GPHN: variants seen among roughly 807,000 people sequenced by gnomAD.
GPHN encodes the protein gephyrin.
GPHN carries 17 observed loss-of-function variants against 95.5 expected under a neutral mutation model. That is an observed-to-expected ratio of 0.18 (90% CI 0.12 to 0.27). The LOEUF (loss-of-function observed/expected upper bound fraction) is 0.27. Among genes scored for constraint, GPHN ranks in the 10% least tolerant of loss-of-function variants. The pLI, the probability that GPHN is intolerant of heterozygous loss-of-function variation, is 1.00. For synonymous variants in GPHN, 320 were observed against 322.5 expected (o/e 0.99, Z 0.08); for missense variants, 660 against 978.1 (o/e 0.67, Z 4.34).
At chr14:67,465,164 G>A in the GPHN span, among the ~76,000 whole-genome samples, 9 of 152,232 alleles carry the variant, frequency 5.9e-5, no homozygotes, top group Non-Finnish European at 8.8e-5. Context: ...GCTTCCAGGC[G>A]CCAGGACTGG....
chr14:67,089,118 TTTTTTTCTTTTTTTC>T (rs752646113), intron 12 of GPHN, 43 bp downstream of exon 12: 230 of 649,564 alleles, frequency 3.5e-4, no homozygotes, highest in South Asian at 1.6e-3. Flanking sequence ...GCACTGTATT[TTTTTTTCTTTTTTTC>T]TTTTTTTTTT....
At chr14:67,646,974 G>A in the GPHN span, 6 of 1,612,802 alleles carry the variant, frequency 3.7e-6, no homozygotes, top group African/African-American at 4.0e-5. Context: ...GATATTGATC[G>A]ACTTGGTATC....
At chr14:67,401,764 G>A in the GPHN span, among the ~76,000 whole-genome samples, 3 of 152,202 alleles carry the variant, frequency 2.0e-5, no homozygotes, top group African/African-American at 7.2e-5. Context: ...AAACTAATAT[G>A]ATAGGGAAAG....
chr14:67,359,542 G>A, the GPHN span: 1 of 1,204,026 alleles, frequency 8.3e-7, no homozygotes, highest in South Asian at 1.4e-5. Context: ...AAGAACCTGG[G>A]AAAAGCTCAG....
chr14:67,289,872 G>A, the GPHN span, among the ~76,000 whole-genome samples: 83 of 148,168 alleles, frequency 5.6e-4, no homozygotes, highest in East Asian at 2.2e-3. Flanking sequence ...CTGGGTTCAC[G>A]CCATTCTCCT....
intron 12 of GPHN, among the ~76,000 whole-genome samples, chr14:67,098,178 A>G: frequency 6.6e-6 from 1 of 152,250 alleles, no homozygotes; most frequent in East Asian, 1.9e-4. Flanking sequence ...AACCTGGAAA[A>G]AAAAAAGACA....
intron 1 of GPHN, among the ~76,000 whole-genome samples, chr14:66,527,781 G>A (rs1434827959): frequency 6.6e-6 from 1 of 152,196 alleles, no homozygotes; most frequent in Non-Finnish European, 1.5e-5. Flanking sequence ...GTGGTTTTGA[G>A]TGAGTTTCTT....
the GPHN span, chr14:67,573,909 A>C: frequency 6.4e-7 from 1 of 1,567,322 alleles, no homozygotes; most frequent in South Asian, 1.1e-5. The surrounding 1 kb of genome is among the most constrained non-coding windows in gnomAD (Gnocchi z 4.8). Context: ...CCTGGCTGCT[A>C]GTATTTTAAA....
intron 1 of GPHN, among the ~76,000 whole-genome samples, chr14:66,578,603 A>G (rs1377030823): frequency 7.3e-6 from 1 of 136,698 alleles, no homozygotes. Flanking sequence ...GAACTCCATT[A>G]TGGCTATCAT....
At chr14:66,845,872 C>T (rs1412141785) in intron 4 of GPHN, among the ~76,000 whole-genome samples, 5 of 147,206 alleles carry the variant, frequency 3.4e-5, no homozygotes, top group African/African-American at 5.3e-5. Flanking sequence ...TGTGTGCGTG[C>T]GCACACGTGA....
At chr14:66,676,294 A>G (rs1595504699) in intron 1 of GPHN, among the ~76,000 whole-genome samples, 1 of 152,058 alleles carries the variant, frequency 6.6e-6, no homozygotes, top group South Asian at 2.1e-4. Context: ...ATTTAGATGA[A>G]CTTTATTTCC....
At chr14:67,182,841 C>CTTTT (rs1247844705), downstream of GPHN, among the ~76,000 whole-genome samples, 27 of 120,030 alleles carry the variant, frequency 2.2e-4, no homozygotes, top group Admixed American at 1.4e-3. Context: ...GTTAGTGGGT[C>CTTTT]TTTTTTTTTT....
the GPHN span, among the ~76,000 whole-genome samples, chr14:67,411,530 C>G: frequency 6.6e-6 from 1 of 152,112 alleles, no homozygotes. Context: ...AGCAAGTTCC[C>G]TAACTCCTCT....
chr14:67,695,658 G>T, the GPHN span: 1 of 1,614,210 alleles, frequency 6.2e-7, no homozygotes, highest in Non-Finnish European at 8.5e-7. Flanking sequence ...ATATACAGAA[G>T]GAAGGGCAGA....
chr14:67,648,285 GTTT>G, the GPHN span: 74 of 1,332,880 alleles, frequency 5.6e-5, no homozygotes, highest in Non-Finnish European at 7.3e-5. Flanking sequence ...TCATTGCAGA[GTTT>G]GTTTTTGCTT....
chr14:67,153,914 T>C (rs191346245), intron 18 of GPHN, among the ~76,000 whole-genome samples: 133 of 152,354 alleles, frequency 8.7e-4, no homozygotes, highest in Non-Finnish European at 1.6e-3. Context: ...TCACTATGTC[T>C]GGTACAAGTT....
At chr14:66,547,709 A>G (rs113355752) in intron 1 of GPHN, among the ~76,000 whole-genome samples, 78 of 152,320 alleles carry the variant, frequency 5.1e-4, no homozygotes, top group African/African-American at 1.6e-3. Flanking sequence ...TTTCGTGTTC[A>G]TTCTGGTAAG....
At chr14:66,884,462 A>G (rs527944298) in intron 5 of GPHN, among the ~76,000 whole-genome samples, 61 of 152,242 alleles carry the variant, frequency 4.0e-4, no homozygotes, top group African/African-American at 1.2e-3. Flanking sequence ...AGCATTTACT[A>G]GCAGTGTTAC....
At chr14:67,499,165 G>A in the GPHN span, among the ~76,000 whole-genome samples, 14 of 151,900 alleles carry the variant, frequency 9.2e-5, no homozygotes, top group East Asian at 2.7e-3. Flanking sequence ...ACAACACCCA[G>A]GTAATTTCTT....
Sources: gnomAD v4.1 joint callset for allele counts (sites outside exome capture counted in the v4.1 genomes callset) on GRCh38, gnomAD v4.1.1 for gene constraint, Gnocchi (gnomAD v3.1) non-coding constraint, MANE v1.5 for transcripts, NCBI Gene and HGNC (gene_info 2026-07-23, HGNC 2026-07-21) for gene names.